The following CTBP2 variants were observed in gnomAD, a reference collection of about 807,000 sequenced individuals.
CTBP2 encodes C-terminal binding protein 2.
Under a neutral mutation model 80.3 loss-of-function variants are expected in CTBP2, and 30 were observed. The ratio of observed to expected loss-of-function variants is 0.37; its 90% confidence interval spans 0.28 to 0.51. CTBP2 has a LOEUF of 0.51. CTBP2 is among the 20% of genes least tolerant of loss of function. The probability of loss-of-function intolerance (pLI) is 0.93; values close to 1 mark genes in which losing one functional copy is unlikely to be tolerated. For synonymous variants in CTBP2, 594 were observed against 587.4 expected, an observed-to-expected ratio of 1.01 and a Z score of -0.16; for missense variants, 1,212 against 1,375.3, an observed-to-expected ratio of 0.88 and a Z score of 1.88.
At chr10:125,045,140 T>C (rs149160950) in intron 2 of CTBP2, among the ~76,000 whole-genome samples, 36 of 152,252 alleles carry the variant, frequency 2.4e-4, no homozygotes, top group African/African-American at 6.5e-4. Context: ...AACAGGATTA[T>C]TACCCAGTCC....
intron 2 of CTBP2, among the ~76,000 whole-genome samples, chr10:125,098,395 T>C (rs968688931): frequency 2.0e-5 from 3 of 151,956 alleles, no homozygotes; most frequent in African/African-American, 4.8e-5. Context: ...GCTGAGAATA[T>C]AGTAATATCA....
intron 1 of CTBP2, among the ~76,000 whole-genome samples, chr10:125,021,299 C>A (rs991069032): frequency 4.6e-5 from 7 of 152,174 alleles, no homozygotes; most frequent in Admixed American, 3.3e-4. Flanking sequence ...TCAAGACCTA[C>A]CCCCTTTGAC....
At chr10:125,005,453 G>T in intron 1 of CTBP2, 1 of 1,279,008 alleles carries the variant, frequency 7.8e-7, no homozygotes. Context: ...TGTCCGCATG[G>T]ATCCGCACTC....
intron 1 of CTBP2, among the ~76,000 whole-genome samples, chr10:125,129,311 G>A (rs1413398275): frequency 2.0e-5 from 3 of 152,060 alleles, no homozygotes; most frequent in Admixed American, 1.3e-4. Context: ...TGGGGGGTAC[G>A]CAGGTATGTG....
At chr10:124,995,907 C>T (rs1248840998) in intron 4 of CTBP2, among the ~76,000 whole-genome samples, 1 of 152,126 alleles carries the variant, frequency 6.6e-6, no homozygotes, top group Non-Finnish European at 1.5e-5. Context: ...CTGCAGCCTC[C>T]ATCCCCCTCA....
At chr10:125,158,567 C>G (rs754607664) in intron 1 of CTBP2, 4 of 152,162 alleles carry the variant, frequency 2.6e-5, no homozygotes, top group African/African-American at 4.8e-5. Flanking sequence ...ATCAGACTCT[C>G]TAAGAACTTA....
intron 5 of CTBP2, among the ~76,000 whole-genome samples, 187 bp from the exon 8 acceptor site, chr10:124,994,172 C>A (rs1334185099): frequency 6.6e-6 from 1 of 152,210 alleles, no homozygotes; most frequent in Non-Finnish European, 1.5e-5. Context: ...TGCTGCTGAT[C>A]CTGAGAGGAA....
chr10:125,154,874 A>C (rs527937765), intron 1 of CTBP2, among the ~76,000 whole-genome samples: 1 of 152,356 alleles, frequency 6.6e-6, no homozygotes, highest in African/African-American at 2.4e-5. Flanking sequence ...TACGCAAAAC[A>C]TGAACATCCA....
At chr10:125,057,864 C>T (rs747731203) in intron 2 of CTBP2, among the ~76,000 whole-genome samples, 4 of 152,278 alleles carry the variant, frequency 2.6e-5, no homozygotes, top group Admixed American at 1.3e-4. Context: ...GCCTGGACTT[C>T]GTTACACTCT....
intron 2 of CTBP2, among the ~76,000 whole-genome samples, chr10:125,042,453 C>T (rs1390345593): frequency 6.6e-6 from 1 of 152,174 alleles, no homozygotes; most frequent in Non-Finnish European, 1.5e-5. Flanking sequence ...CCAAACAATA[C>T]GGGCACAAAT....
intron 2 of CTBP2, among the ~76,000 whole-genome samples, chr10:125,064,409 G>C (rs1844315117): frequency 6.6e-6 from 1 of 152,166 alleles, no homozygotes. Context: ...AATAACTGTG[G>C]TGGGAGGGGT....
At chr10:125,042,324 G>A (rs1472640165) in intron 2 of CTBP2, among the ~76,000 whole-genome samples, 1 of 152,050 alleles carries the variant, frequency 6.6e-6, no homozygotes, top group Non-Finnish European at 1.5e-5. Context: ...TCTCCATGCT[G>A]AGCAAGCCAG....
intron 1 of CTBP2, among the ~76,000 whole-genome samples, chr10:125,151,315 G>C (rs551354829): frequency 6.6e-6 from 1 of 152,118 alleles, no homozygotes; most frequent in South Asian, 2.1e-4. Context: ...TTCAGGTGTT[G>C]GGAGCCGCCG....
At chr10:125,102,218 C>G (rs139033026) in intron 2 of CTBP2, among the ~76,000 whole-genome samples, 127 of 152,310 alleles carry the variant, frequency 8.3e-4, no homozygotes, top group Non-Finnish European at 1.5e-3. Context: ...AGGACAAGGT[C>G]AAGTTGTAAA....
chr10:125,043,322 C>T (rs938966931), intron 2 of CTBP2, among the ~76,000 whole-genome samples: 1 of 152,254 alleles, frequency 6.6e-6, no homozygotes. Flanking sequence ...CAATGACCAT[C>T]ACCAGCTCCT....
chr10:125,092,596 C>CA (rs202068597), intron 2 of CTBP2, among the ~76,000 whole-genome samples: 1,673 of 152,332 alleles, frequency 0.011, 13 homozygotes, highest in Non-Finnish European at 0.018. Flanking sequence ...TCTGGACAGA[C>CA]ACACACACGG....
upstream of CTBP2, among the ~76,000 whole-genome samples, chr10:125,161,846 C>T (rs1861918372): frequency 6.6e-6 from 1 of 152,126 alleles, no homozygotes; most frequent in African/African-American, 2.4e-5. Context: ...ACTCGGGGTC[C>T]TGGGCTTGCG....
intron 1 of CTBP2, among the ~76,000 whole-genome samples, chr10:125,011,528 C>A (rs1473301092): frequency 6.6e-6 from 1 of 152,208 alleles, no homozygotes; most frequent in Non-Finnish European, 1.5e-5. Flanking sequence ...TAACGAAGAG[C>A]ATGTGTGGTA....
chr10:125,008,902 C>T (rs1018362094), intron 1 of CTBP2, among the ~76,000 whole-genome samples: 1 of 152,350 alleles, frequency 6.6e-6, no homozygotes, highest in Non-Finnish European at 1.5e-5. Flanking sequence ...TAGGTCATAG[C>T]CTGTTCCTCT....
Sources: allele counts gnomAD v4.1 joint callset (sites outside exome capture counted in the v4.1 genomes callset), GRCh38; gene constraint gnomAD v4.1.1; transcripts MANE v1.5; gene names NCBI Gene and HGNC (gene_info 2026-07-23, HGNC 2026-07-21).